The following MOB2 variants were observed in gnomAD, a reference collection of about 807,000 sequenced individuals.
MOB2 encodes MOB kinase activator 2.
A neutral mutation model predicts 27.4 loss-of-function variants in MOB2; 14 were observed. That is an observed-to-expected ratio of 0.51 (90% confidence interval 0.34 to 0.80). MOB2 has a LOEUF of 0.80. MOB2 is among the 30% of genes least tolerant of loss of function. The pLI is 0.01. For synonymous variants in MOB2, 167 were observed against 151.8 expected (o/e 1.10, Z -0.74); for missense variants, 304 against 354.6 (o/e 0.86, Z 1.15).
Position 1,469,561 on chromosome 11 carries a change from C to A in MOB2, c.*611G>T. The A allele has an allele frequency of 2.2e-6, 1 of 456,720 alleles. No individual in the cohort carries two copies. The highest frequency in any genetic ancestry group is 4.4e-6 in the Non-Finnish European group (1 of 226,982). The allele number at this position is 456,720 out of a possible 1,614,324, so 28.3% of individuals were successfully genotyped here. A position where few individuals can be genotyped will look rare whatever the true frequency, so the allele number is the denominator to read the frequency against. The stretch of plus-strand genomic sequence containing the variant: ...TCTCCACGCAGGGCCTCAGCCCCGT[C>A]CTGGCCTTGCCTGAGGACTGCACCA... On this transcript the variant is annotated 3_prime_UTR_variant, in exon 5 of 5. Coordinates refer to ENST00000329957, the MANE Select transcript of MOB2 (RefSeq NM_001172223.3).
At chr11:1,479,902 C>T (rs1444062358) in intron 3 of MOB2, among the ~76,000 whole-genome samples, 8 of 152,212 alleles carry the variant, frequency 5.3e-5, no homozygotes, top group African/African-American at 9.6e-5. Context: ...GGGCCACTAA[C>T]GGACACCCAT....
chr11:1,480,363 G>C (rs1159386069), intron 3 of MOB2, 30 bp downstream of exon 3: 1 of 1,604,414 alleles, frequency 6.2e-7, no homozygotes, highest in Admixed American at 1.7e-5. Context: ...TCTCCCAAGA[G>C]AAAGTGGGCT....
chr11:1,486,424 C>G, intron 1 of MOB2, 23 bp downstream of exon 1: 1 of 1,516,354 alleles, frequency 6.6e-7, no homozygotes, highest in Non-Finnish European at 8.9e-7. Context: ...CACCCCTCCC[C>G]CAGCCAGGCT....
intron 3 of MOB2, chr11:1,472,882 A>T: frequency 6.8e-6 from 1 of 146,720 alleles, no homozygotes; most frequent in Non-Finnish European, 1.5e-5. Context: ...CTCTGGGCAC[A>T]GGGCCTCCAG....
chr11:1,482,539 G>T (rs1013316753), intron 1 of MOB2, among the ~76,000 whole-genome samples: 1 of 152,196 alleles, frequency 6.6e-6, no homozygotes, highest in Admixed American at 6.5e-5. Flanking sequence ...CAGCCTCCCT[G>T]CCTCTTCCCG....
chr11:1,471,075 G>C (rs1024777107), intron 4 of MOB2, among the ~76,000 whole-genome samples: 1 of 152,258 alleles, frequency 6.6e-6, no homozygotes. Flanking sequence ...GAGGGCCAGG[G>C]AGATGGCCCT....
At chr11:1,474,853 T>G (rs1307060427) in intron 3 of MOB2, among the ~76,000 whole-genome samples, 1 of 152,272 alleles carries the variant, frequency 6.6e-6, no homozygotes, top group Non-Finnish European at 1.5e-5. Context: ...TACTAGAGTT[T>G]CACAGTAAGT....
intron 1 of MOB2, 118 bp downstream of exon 1, chr11:1,486,329 G>C: frequency 1.3e-6 from 1 of 758,174 alleles, no homozygotes; most frequent in South Asian, 1.7e-5. Context: ...GGCCACACTG[G>C]GAGGGCAGCC....
rs114791380 is a variant in MOB2, at chr11:1,479,103, C to T, written c.365+1290G>A. Reference sequence around the variant, plus strand: ...TCCAAGGGGACATAGGTCTGCCCAACACCACATCCTACACTCCTCCAAGGA... The same window carrying T: ...TCCAAGGGGACATAGGTCTGCCCAATACCACATCCTACACTCCTCCAAGGA... On this transcript the variant is annotated intron_variant, in intron 3 of 4. Coordinates refer to ENST00000329957, the MANE Select transcript of MOB2 (RefSeq NM_001172223.3). Among the ~76,000 whole-genome samples, 707 of 152,336 alleles carry T rather than the reference C, an allele frequency of 4.6e-3. 7 individuals are homozygous for T. The highest frequency in any genetic ancestry group is 0.016 in the African/African-American group (680 of 41,566).
At chr11:1,471,445 G>C (rs1452648508) in intron 3 of MOB2, 26 bp from the exon 4 acceptor site, 2 of 1,591,280 alleles carry the variant, frequency 1.3e-6, no homozygotes, top group Non-Finnish European at 1.7e-6. Flanking sequence ...CACGGTCAGG[G>C]CATGCGCCCG....
In MOB2 at chr11:1,469,972, A is replaced by T; in HGVS notation, c.*200T>A. The T allele has an allele frequency of 7.6e-7, 1 of 1,323,344 alleles. No individual in the cohort carries two copies. Among genetic ancestry groups the T allele is most frequent in the Non-Finnish European group, 1.0e-6 (1 of 953,388 alleles). 82.0% of individuals were successfully genotyped at this position (1,323,344 alleles called of 1,614,324 possible). ...CCAAAGGCTCTTCTCTACAAACGGC[A>T]CGCATCCATCCGACAGGGGGCCACA... On this transcript the variant is annotated 3_prime_UTR_variant, in exon 5 of 5. Coordinates refer to ENST00000329957, the MANE Select transcript of MOB2 (RefSeq NM_001172223.3).
At chr11:1,480,543 C>T (rs1032419872) in intron 2 of MOB2, 57 bp from the exon 3 acceptor site, 68 of 1,581,636 alleles carry the variant, frequency 4.3e-5, no homozygotes, top group Non-Finnish European at 5.8e-5. Flanking sequence ...GCCGCCCCGT[C>T]CACCCCTGCT....
intron 3 of MOB2, among the ~76,000 whole-genome samples, chr11:1,473,784 G>A (rs754470481): frequency 2.0e-5 from 3 of 152,222 alleles, no homozygotes; most frequent in Admixed American, 6.5e-5. Context: ...GTGGACTCAC[G>A]CATTCATAAC....
At chr11:1,480,647 G>A (rs927032669) in intron 2 of MOB2, 78 bp downstream of exon 2, 34 of 1,558,870 alleles carry the variant, frequency 2.2e-5, no homozygotes, top group South Asian at 3.5e-5. Context: ...AGCACCAGCC[G>A]TGGGGGTCCC....
rs1372519842 is a variant in MOB2 at position 1,470,175 on chromosome 11, T to A, written c.804A>T (p.Arg268Ser). Residue 268 changes from arginine to serine, a missense_variant, in exon 5 of 5, where the codon AGA (arginine) becomes AGT (serine). Coordinates refer to ENST00000329957, the MANE Select transcript of MOB2 (RefSeq NM_001172223.3). ...GCCCCTGTCCGGCCCGGGGGGCTCA[T>A]CTCTCCTTCACGTGGTTCTGTGCTC... The part of the protein sequence containing the change: ...GPGAQNHVKE[R>S] 2 of 1,599,258 alleles carry A rather than the reference T, an allele frequency of 1.3e-6. No homozygotes were observed.
At chr11:1,471,270 C>G in intron 4 of MOB2, 25 bp downstream of exon 4, 9 of 1,600,658 alleles carry the variant, frequency 5.6e-6, no homozygotes, top group Non-Finnish European at 7.7e-6. Flanking sequence ...GTGAGGATGA[C>G]CGCCCAGTGC....
At chr11:1,476,614 C>T (rs1847854734) in intron 3 of MOB2, among the ~76,000 whole-genome samples, 1 of 152,198 alleles carries the variant, frequency 6.6e-6, no homozygotes, top group South Asian at 2.1e-4. Context: ...AATCTCAGTG[C>T]TTTCTGTTCT....
At chr11:1,472,772 C>T (rs17821221) in intron 3 of MOB2, 90,872 of 154,856 alleles carry the variant, frequency 0.59, 27,285 homozygotes, top group African/African-American at 0.65. Context: ...TCGCCCACTT[C>T]CTGCGCAGCC....
rs1847970848 is a variant in MOB2, at chr11:1,486,464, A to G, written c.93T>C (p.Ala31=). 6.5e-7 allele frequency: 1 copy of G among 1,535,752 alleles called. No homozygotes were observed. Among genetic ancestry groups the G allele is most frequent in the Admixed American group, 2.0e-5 (1 of 50,984 alleles). The stretch of plus-strand genomic sequence containing the variant: ...GGTGTTACCTGAGCACTTTGCTGAC[A>G]GCCTGAAGCACCATTTTGCAGCAGA... ...SGLCCKMVLQ[A]VSKVLRKSKA... Residue 31 remains alanine, a synonymous_variant, in exon 1 of 5, where the codon GCT becomes GCC. Coordinates refer to ENST00000329957, the MANE Select transcript of MOB2 (RefSeq NM_001172223.3).
Sources: gnomAD v4.1 joint callset for allele counts (sites outside exome capture counted in the v4.1 genomes callset) on GRCh38, gnomAD v4.1.1 for gene constraint, MANE v1.5 for transcripts, NCBI Gene and HGNC (gene_info 2026-07-23, HGNC 2026-07-21) for gene names.